Variants in RPS6KA3 observed in about 807,000 individuals in gnomAD.
RPS6KA3 encodes the protein ribosomal protein S6 kinase alpha-3.
RPS6KA3 carries 4 observed loss-of-function variants against 67.2 expected under a neutral mutation model. The ratio of observed to expected loss-of-function variants is 0.06; its 90% CI spans 0.03 to 0.14. The LOEUF is 0.14. Among genes scored for constraint, RPS6KA3 ranks in the 10% least tolerant of loss-of-function variants. The pLI, the probability that RPS6KA3 is intolerant of heterozygous loss-of-function variation, is 1.00. For synonymous variants in RPS6KA3, 182 were observed against 183.7 expected, an observed-to-expected ratio of 0.99 and a Z score of 0.07; for missense variants, 204 against 559.0, an observed-to-expected ratio of 0.36 and a Z score of 6.40.
At chrX:20,188,714 A>G (rs1357878304) in intron 7 of RPS6KA3, among the ~76,000 whole-genome samples, 180 bp from the exon 8 acceptor site, 1 of 112,695 alleles carries the variant, frequency 8.9e-6, no homozygotes, top group Non-Finnish European at 1.9e-5. Context: ...CATTTATAAC[A>G]AAGCCCAAAG....
chrX:20,180,395 TA>T lies in RPS6KA3; in HGVS notation c.846-3312del, dbSNP rs777463961. The stretch of plus-strand genomic sequence containing the variant: ...GATCAAGCTAATAACACTAAGGGAA[TA>T]AAAAAAAATTTCCATACTCCTAGGA... On this transcript the variant is annotated intron_variant, in intron 10 of 21. Transcript: ENST00000379565. Among the ~76,000 whole-genome samples the T allele has an allele frequency of 3.6e-5, 4 of 110,679 alleles. No individual in the cohort carries two copies. In the South Asian group the frequency reaches 1.1e-3, roughly 32 times the overall value.
intron 1 of RPS6KA3, among the ~76,000 whole-genome samples, chrX:20,252,865 G>T (rs1019462467): frequency 8.1e-5 from 9 of 111,179 alleles, no homozygotes; most frequent in Non-Finnish European, 1.5e-4. Flanking sequence ...ATTAGTGGAG[G>T]TAAGATGTGT....
chrX:20,256,956 A>G (rs1454269369), intron 1 of RPS6KA3, among the ~76,000 whole-genome samples: 1 of 112,207 alleles, frequency 8.9e-6, no homozygotes, highest in Non-Finnish European at 1.9e-5. Flanking sequence ...AGACTGAGTC[A>G]CTCACCTGGA....
Position 20,151,807 on chromosome X carries a change from A to G in RPS6KA3, c.*3591T>C, listed in dbSNP as rs780288469. On this transcript the variant is annotated 3_prime_UTR_variant, in exon 22 of 22. Coordinates refer to ENST00000379565, the MANE Select transcript of RPS6KA3 (RefSeq NM_004586.3). ...CTCCATGGTGATTAAGCGCATCCAT[A>G]GCAAGGCCTGCAAATCTTGAATGCT... is the stretch of plus-strand genomic sequence containing the variant. The G allele has an allele frequency of 8.9e-6, 1 of 112,279 alleles. No individual in the cohort carries two copies. The highest frequency in any genetic ancestry group is 3.2e-5 in the African/African-American group (1 of 30,921). The allele number at this position is 112,279 out of a possible 1,213,427, so 9.3% of individuals were successfully genotyped here.
intron 1 of RPS6KA3, 106 bp from the exon 2 acceptor site, chrX:20,234,920 C>T: frequency 7.0e-6 from 4 of 572,733 alleles, no homozygotes; most frequent in Non-Finnish European, 1.2e-5. Flanking sequence ...ATTTTCACCC[C>T]TAAAGGGCTC....
At chrX:20,165,688 G>A (rs2067417613) in intron 17 of RPS6KA3, among the ~76,000 whole-genome samples, 2 of 112,085 alleles carry the variant, frequency 1.8e-5, no homozygotes, top group Admixed American at 1.9e-4. Context: ...AGACTAAATG[G>A]AATAGACAGG....
chrX:20,238,780 G>C lies in RPS6KA3; in HGVS notation c.70-3966C>G. On this transcript the variant is annotated intron_variant, in intron 1 of 21. Transcript: ENST00000379565. ...CTACATACCAGTGCAGCTTTACAAA[G>C]CTTTTTCTACCAAAAAAAGCACCTT... 2.7e-5 allele frequency among the ~76,000 whole-genome samples: 3 copies of C among 111,175 alleles called. No individual in the cohort carries two copies. The Admixed American group carries it at 2.9e-4, about 11-fold the overall frequency.
chrX:20,201,493 C>T (rs1194862950), intron 4 of RPS6KA3, among the ~76,000 whole-genome samples: 1 of 111,334 alleles, frequency 9.0e-6, no homozygotes, highest in African/African-American at 3.3e-5. Context: ...AACATTTCCC[C>T]AAAGATTATT....
intron 1 of RPS6KA3, among the ~76,000 whole-genome samples, chrX:20,256,736 T>C (rs2070078312): frequency 8.9e-6 from 1 of 112,105 alleles, no homozygotes; most frequent in Non-Finnish European, 1.9e-5. Flanking sequence ...ACTTAAGCAC[T>C]GTCTCTATTG....
At chrX:20,189,601 A>G (rs2068073389) in intron 7 of RPS6KA3, among the ~76,000 whole-genome samples, 1 of 112,035 alleles carries the variant, frequency 8.9e-6, no homozygotes, top group African/African-American at 3.2e-5. Context: ...GTAAGCCAAT[A>G]ATTGTGTTAA....
chrX:20,236,650 TAGA>T (rs1417228930), intron 1 of RPS6KA3, among the ~76,000 whole-genome samples: 1 of 111,363 alleles, frequency 9.0e-6, no homozygotes, highest in African/African-American at 3.3e-5. Context: ...TCACCACTCA[TAGA>T]AGATGTTCCT....
chrX:20,186,984 C>T (rs766679222), intron 9 of RPS6KA3, among the ~76,000 whole-genome samples: 2 of 111,143 alleles, frequency 1.8e-5, no homozygotes, highest in Non-Finnish European at 1.9e-5. Context: ...CAGGTGTGTG[C>T]CACCATGCCT....
chrX:20,163,179 C>T (rs1006035696), intron 18 of RPS6KA3, 139 bp from the exon 19 acceptor site: 13 of 471,948 alleles, frequency 2.8e-5, no homozygotes, highest in East Asian at 1.5e-4. Context: ...TAAGGCAATA[C>T]GTTAATCCGA....
intron 1 of RPS6KA3, among the ~76,000 whole-genome samples, chrX:20,255,071 T>C (rs1371326173): frequency 1.8e-5 from 2 of 112,156 alleles, no homozygotes; most frequent in South Asian, 3.7e-4. Flanking sequence ...AGCCAAAAGG[T>C]AGAAACAATT....
chrX:20,205,722 G>A (rs767355692), intron 3 of RPS6KA3, among the ~76,000 whole-genome samples: 4 of 111,596 alleles, frequency 3.6e-5, no homozygotes, highest in Admixed American at 9.5e-5. Flanking sequence ...TATTTTTGAC[G>A]GAAATAAAAT....
At chrX:20,198,495 T>G (rs1250049771) in intron 4 of RPS6KA3, among the ~76,000 whole-genome samples, 1 of 111,904 alleles carries the variant, frequency 8.9e-6, no homozygotes, top group Non-Finnish European at 1.9e-5. Context: ...GAAGATAACT[T>G]AAACACCACA....
chrX:20,175,218 G>A lies in RPS6KA3; in HGVS notation c.1173C>T (p.Thr391=). The change falls in exon 14 of 22, where the codon ACC becomes ACT. Residue 391 remains threonine, a synonymous_variant. Transcript: ENST00000379565. ...GCATAGCTTGGCTTTCATCATCTGA[G>A]GTAATAGCAACAAAACTAAACCCCC... The part of the protein sequence containing the change: ...LFRGFSFVAI[T]SDDESQAMQT... 8.3e-7 allele frequency: 1 copy of A among 1,205,498 alleles called. No individual in the cohort carries two copies. The highest frequency in any genetic ancestry group is 1.1e-6 in the Non-Finnish European group (1 of 889,893).
At chrX:20,160,508 C>A (rs73631382) in intron 20 of RPS6KA3, among the ~76,000 whole-genome samples, 2,284 of 111,094 alleles carry the variant, frequency 0.021, 60 homozygotes, top group African/African-American at 0.07. Context: ...GTCACTGCAA[C>A]CTCCGCCTCC....
intron 10 of RPS6KA3, among the ~76,000 whole-genome samples, chrX:20,184,656 C>T (rs894983433): frequency 2.7e-5 from 3 of 110,488 alleles, no homozygotes; most frequent in Non-Finnish European, 5.7e-5. Context: ...AAGCAATCTG[C>T]CCACTTCGGC....
Sources: allele counts gnomAD v4.1 joint callset (sites outside exome capture counted in the v4.1 genomes callset), GRCh38; gene constraint gnomAD v4.1.1; transcripts MANE v1.5; gene names NCBI Gene and HGNC (gene_info 2026-07-23, HGNC 2026-07-21).